ASIC2: variants seen among roughly 807,000 people sequenced by gnomAD.
The protein encoded by ASIC2 is acid sensing ion channel subunit 2.
ASIC2 carries 25 observed loss-of-function variants against 57.3 expected under a neutral mutation model. That is an observed-to-expected ratio of 0.44 (90% CI 0.32 to 0.61). ASIC2 has a LOEUF of 0.61. ASIC2 is among the 20% of genes least tolerant of loss of function. The pLI is 0.06. For synonymous variants in ASIC2, 319 were observed against 307.5 expected (o/e 1.04, Z -0.39); for missense variants, 641 against 738.1 (o/e 0.87, Z 1.52).
At chr17:33,120,400 G>A (rs2092297439) in intron 1 of ASIC2, among the ~76,000 whole-genome samples, 1 of 152,318 alleles carries the variant, frequency 6.6e-6, no homozygotes, top group Admixed American at 6.5e-5. Flanking sequence ...CTGTCTGTTG[G>A]TTGGGAAAAC....
intron 1 of ASIC2, among the ~76,000 whole-genome samples, chr17:33,722,777 T>C (rs1347213148): frequency 1.3e-5 from 2 of 151,250 alleles, no homozygotes; most frequent in African/African-American, 2.4e-5. Context: ...AAAACAACAA[T>C]GGCAACAAAA....
chr17:33,070,161 A>G (rs907441204), intron 3 of ASIC2, among the ~76,000 whole-genome samples: 1 of 152,076 alleles, frequency 6.6e-6, no homozygotes, highest in Non-Finnish European at 1.5e-5. Flanking sequence ...CATTTTTTCC[A>G]TCTTGTCCTT....
At chr17:34,134,601 C>A (rs1912078142) in intron 1 of ASIC2, among the ~76,000 whole-genome samples, 2 of 152,212 alleles carry the variant, frequency 1.3e-5, no homozygotes, top group Admixed American at 1.3e-4. Context: ...AGAAGGGAGA[C>A]TTTGCCCTGA....
At chr17:33,635,643 A>T (rs943506845) in intron 1 of ASIC2, among the ~76,000 whole-genome samples, 13 of 152,244 alleles carry the variant, frequency 8.5e-5, no homozygotes, top group Admixed American at 7.8e-4. Flanking sequence ...AAACAGAGCG[A>T]TGAGGAGGCA....
chr17:33,289,973 GCTTGGAGTC>G (rs1043303422), intron 1 of ASIC2, among the ~76,000 whole-genome samples: 1 of 152,194 alleles, frequency 6.6e-6, no homozygotes, highest in Non-Finnish European at 1.5e-5. Context: ...TCAGAATTGT[GCTTGGAGTC>G]CTGGAAGAAA....
intron 1 of ASIC2, among the ~76,000 whole-genome samples, chr17:33,873,605 G>A (rs1914478222): frequency 6.6e-6 from 1 of 152,108 alleles, no homozygotes. Flanking sequence ...TAAAAATTGG[G>A]TAATAATATA....
chr17:33,296,468 C>T (rs1443090039), upstream of ASIC2, among the ~76,000 whole-genome samples: 3 of 152,212 alleles, frequency 2.0e-5, no homozygotes, highest in Non-Finnish European at 2.9e-5. Flanking sequence ...TGAGGCAGAA[C>T]AGGGGTGACC....
At chr17:34,002,695 CT>C (rs2142016182) in intron 1 of ASIC2, 1 of 152,298 alleles carries the variant, frequency 6.6e-6, no homozygotes, top group African/African-American at 2.4e-5. Flanking sequence ...ATTGTTTTCT[CT>C]TTGCCCTTTG....
At chr17:33,839,643 T>G (rs1913373825) in intron 1 of ASIC2, among the ~76,000 whole-genome samples, 1 of 152,184 alleles carries the variant, frequency 6.6e-6, no homozygotes, top group Admixed American at 6.5e-5. Flanking sequence ...AGGAAACCCC[T>G]TATTCTCAGT....
chr17:34,096,801 G>A (rs140116708), intron 1 of ASIC2, among the ~76,000 whole-genome samples: 1,596 of 137,164 alleles, frequency 0.012, 31 homozygotes, highest in African/African-American at 0.04. Context: ...AGCTTGCAGT[G>A]AGCCGAGATC....
At chr17:33,397,267 C>A (rs1910111310) in intron 1 of ASIC2, among the ~76,000 whole-genome samples, 1 of 152,166 alleles carries the variant, frequency 6.6e-6, no homozygotes, top group Admixed American at 6.5e-5. Flanking sequence ...CCAAATTCCC[C>A]TGGAATACAG....
intron 1 of ASIC2, among the ~76,000 whole-genome samples, chr17:33,248,893 G>A (rs534626881): frequency 6.8e-4 from 103 of 152,230 alleles, no homozygotes; most frequent in Admixed American, 4.1e-3. Context: ...TCCAAGCAAG[G>A]CAACATTTAC....
intron 1 of ASIC2, among the ~76,000 whole-genome samples, chr17:33,889,276 A>T (rs2141945950): frequency 6.6e-6 from 1 of 152,292 alleles, no homozygotes; most frequent in Middle Eastern, 3.4e-3. Context: ...CAGAGATAGG[A>T]AATGACTTCC....
At chr17:34,015,951 A>G (rs142525890) in intron 1 of ASIC2, among the ~76,000 whole-genome samples, 41 of 152,364 alleles carry the variant, frequency 2.7e-4, no homozygotes, top group Non-Finnish European at 4.9e-4. Context: ...CATTTTAAGT[A>G]TATAGAGCAG....
At chr17:33,415,711 GGA>G (rs147198573) in intron 1 of ASIC2, among the ~76,000 whole-genome samples, 9 of 151,500 alleles carry the variant, frequency 5.9e-5, no homozygotes, top group Non-Finnish European at 7.4e-5. Flanking sequence ...GAGCTGGAGG[GGA>G]GAGAGAGAGA....
At chr17:34,044,504 G>A (rs775247612) in intron 1 of ASIC2, among the ~76,000 whole-genome samples, 14 of 152,264 alleles carry the variant, frequency 9.2e-5, no homozygotes, top group African/African-American at 2.4e-4. Flanking sequence ...GCGGCCAGGC[G>A]TTCCTAAAAT....
At chr17:33,386,899 G>A (rs921771735) in intron 1 of ASIC2, among the ~76,000 whole-genome samples, 5 of 152,048 alleles carry the variant, frequency 3.3e-5, no homozygotes, top group Admixed American at 1.3e-4. Context: ...TGAGTGGCTC[G>A]TGTGTGACTG....
chr17:33,985,376 T>C (rs966442895), intron 1 of ASIC2, among the ~76,000 whole-genome samples: 2 of 152,202 alleles, frequency 1.3e-5, no homozygotes, highest in African/African-American at 4.8e-5. Flanking sequence ...TTAGCGTGCA[T>C]AGAAACTTTA....
chr17:33,185,553 G>A (rs1200860980), intron 1 of ASIC2, among the ~76,000 whole-genome samples: 1 of 152,150 alleles, frequency 6.6e-6, no homozygotes, highest in Non-Finnish European at 1.5e-5. Context: ...GGTTGTGGTG[G>A]AGGGAGGGAG....
Sources: allele counts gnomAD v4.1 joint callset (sites outside exome capture counted in the v4.1 genomes callset), GRCh38; gene constraint gnomAD v4.1.1; transcripts MANE v1.5; gene names NCBI Gene and HGNC (gene_info 2026-07-23, HGNC 2026-07-21).